PRPSAP2: variants seen among roughly 807,000 people sequenced by gnomAD.
PRPSAP2 encodes phosphoribosyl pyrophosphate synthase-associated protein 2.
A neutral mutation model predicts 40.6 loss-of-function variants in PRPSAP2; 24 were observed. The observed-to-expected ratio is 0.59, with a 90% CI of 0.43 to 0.83. The LOEUF is 0.83. Ranked by LOEUF, PRPSAP2 falls within the 40% of genes least tolerant of loss-of-function variation. PRPSAP2 has a pLI of 0.00. For synonymous variants in PRPSAP2, 149 were observed against 164.7 expected (o/e 0.90, Z 0.73); for missense variants, 292 against 465.6 (o/e 0.63, Z 3.43).
intron 4 of PRPSAP2, among the ~76,000 whole-genome samples, chr17:18,871,729 C>T (rs979070897): frequency 6.7e-6 from 1 of 148,736 alleles, no homozygotes; most frequent in Non-Finnish European, 1.5e-5. Flanking sequence ...GGCACAATCT[C>T]GGCTCACCGC....
chr17:18,927,773 G>A (rs1170129995), intron 10 of PRPSAP2, among the ~76,000 whole-genome samples: 3 of 151,510 alleles, frequency 2.0e-5, no homozygotes, highest in Non-Finnish European at 4.4e-5. Flanking sequence ...AAAGTAGCGT[G>A]TGTGTGTGTG....
intron 6 of PRPSAP2, 90 bp downstream of exon 6, chr17:18,877,960 C>CTTAA: frequency 7.3e-7 from 1 of 1,378,592 alleles, no homozygotes; most frequent in Non-Finnish European, 9.9e-7. Flanking sequence ...CTTGCCCTGT[C>CTTAA]ACCTAGGCTG....
At chr17:18,873,131 C>T (rs985838219) in intron 5 of PRPSAP2, among the ~76,000 whole-genome samples, 7 of 148,910 alleles carry the variant, frequency 4.7e-5, no homozygotes, top group African/African-American at 1.8e-4. Context: ...TATGAGCCAC[C>T]GTGTCCAGCC....
intron 7 of PRPSAP2, among the ~76,000 whole-genome samples, chr17:18,886,929 C>CTTTTTTTTTTTTTTTTTTTTTTTTTTT (rs71155365): frequency 1.3e-5 from 1 of 75,384 alleles, no homozygotes; most frequent in African/African-American, 5.4e-5. Context: ...TTCTTTTCTT[C>CTTTTTTTTTTTTTTTTTTTTTTTTTTT]TTTTTTTTTT....
intron 8 of PRPSAP2, among the ~76,000 whole-genome samples, chr17:18,904,015 C>T (rs1567724011): frequency 2.0e-5 from 3 of 152,102 alleles, no homozygotes; most frequent in Admixed American, 6.6e-5. Context: ...ATGTAGAAGT[C>T]AGACTGGGGC....
At chr17:18,875,910 G>C (rs1042375823) in intron 5 of PRPSAP2, among the ~76,000 whole-genome samples, 13 of 150,666 alleles carry the variant, frequency 8.6e-5, no homozygotes, top group African/African-American at 3.2e-4. Flanking sequence ...CAGGCGTGCA[G>C]ATCACCTGAG....
intron 5 of PRPSAP2, among the ~76,000 whole-genome samples, chr17:18,873,710 A>G (rs2038069177): frequency 6.6e-6 from 1 of 152,168 alleles, no homozygotes; most frequent in Non-Finnish European, 1.5e-5. Flanking sequence ...GTTTTATTAC[A>G]TAAATTAGCT....
At chr17:18,858,105 C>CCCGCCCCG (rs2151866027), upstream of PRPSAP2, 2 of 152,352 alleles carry the variant, frequency 1.3e-5, no homozygotes, top group African/African-American at 4.8e-5. Context: ...TAGTCCCGCC[C>CCCGCCCCG]TCGCCCCTCC....
intron 8 of PRPSAP2, among the ~76,000 whole-genome samples, chr17:18,899,012 C>G (rs1340977347): frequency 1.3e-5 from 2 of 152,140 alleles, no homozygotes; most frequent in Non-Finnish European, 2.9e-5. Context: ...TCAAGCGATT[C>G]TCCTGCCTCA....
At chr17:18,900,192 TTG>T (rs2040181707) in intron 8 of PRPSAP2, among the ~76,000 whole-genome samples, 1 of 152,104 alleles carries the variant, frequency 6.6e-6, no homozygotes, top group African/African-American at 2.4e-5. Context: ...GCTGCTAATT[TTG>T]TATTTTTAGT....
At position 18,914,110 on chromosome 17, in the gene PRPSAP2, G is replaced by A. The variant is rs1008129015; in HGVS notation, c.733+2859G>A. Among the ~76,000 whole-genome samples, 19 of 151,266 alleles carry A rather than the reference G, an allele frequency of 1.3e-4. No homozygotes were observed. The East Asian group carries it at 3.7e-3, about 30-fold the overall frequency. ...AATCACTTGAACCAGGGAGTTGGAG[G>A]TTGCAGTGAGCTGAGATCCAAGACT... On this transcript the variant is annotated intron_variant, in intron 9 of 11. Transcript: ENST00000268835.
chr17:18,905,380 A>G (rs894268800), intron 8 of PRPSAP2, among the ~76,000 whole-genome samples: 6 of 152,066 alleles, frequency 3.9e-5, no homozygotes, highest in African/African-American at 1.4e-4. Flanking sequence ...TATAATTGAA[A>G]TATTATTCTA....
chr17:18,865,804 T>G lies in PRPSAP2; in HGVS notation c.-30T>G. 2 of 1,444,810 alleles carry G rather than the reference T, an allele frequency of 1.4e-6. No individual in the cohort carries two copies. Among genetic ancestry groups the G allele is most frequent in the Non-Finnish European group, 1.8e-6 (2 of 1,081,192 alleles). The allele number at this position is 1,444,810 out of a possible 1,614,324, so 89.5% of individuals were successfully genotyped here. A position where few individuals can be genotyped will look rare whatever the true frequency, so the allele number is the denominator to read the frequency against. On this transcript the variant is annotated splice_region_variant and 5_prime_UTR_variant, in exon 3 of 12. Transcript: ENST00000268835. ...TAATAAGTATTATATCCTTCTAGGC[T>G]CTGAAAATTGGAAAACCAAGAAGGT...
intron 5 of PRPSAP2, among the ~76,000 whole-genome samples, chr17:18,873,836 C>G (rs529002385): frequency 1.3e-5 from 2 of 152,070 alleles, no homozygotes; most frequent in South Asian, 4.2e-4. Flanking sequence ...ATAGAAGATT[C>G]AATGCAGCAA....
intron 9 of PRPSAP2, among the ~76,000 whole-genome samples, chr17:18,923,240 C>CCTAAT (rs1435371821): frequency 6.6e-6 from 1 of 150,520 alleles, no homozygotes. Context: ...CAGGCGCCCA[C>CCTAAT]TAGCACACTT....
chr17:18,914,179 CAA>C (rs541753300), intron 9 of PRPSAP2, among the ~76,000 whole-genome samples: 2 of 101,458 alleles, frequency 2.0e-5, no homozygotes, highest in Admixed American at 1.1e-4. Flanking sequence ...GACACCATCT[CAA>C]AAAAAAAAAG....
chr17:18,915,646 C>A (rs7501465), intron 9 of PRPSAP2, among the ~76,000 whole-genome samples: 1 of 151,746 alleles, frequency 6.6e-6, no homozygotes, highest in Non-Finnish European at 1.5e-5. Flanking sequence ...AACGAGAGAG[C>A]CTGGGAAGCC....
chr17:18,882,697 A>C lies in PRPSAP2; in HGVS notation c.528+14A>C. On this transcript the variant is annotated intron_variant, in intron 7 of 11. Coordinates refer to ENST00000268835, the MANE Select transcript of PRPSAP2 (RefSeq NM_002767.4). ...ATTCAAGAAGAGGTGAGCTAGCTCA[A>C]ACTTTTTTATTTTAACATTCTGATT... 1 of 1,483,520 alleles carries C rather than the reference A, an allele frequency of 6.7e-7. No homozygotes were observed. The highest frequency in any genetic ancestry group is 9.4e-7 in the Non-Finnish European group (1 of 1,065,448). 91.9% of individuals were successfully genotyped at this position (1,483,520 alleles called of 1,614,324 possible). A position where few individuals can be genotyped will look rare whatever the true frequency, so the allele number is the denominator to read the frequency against.
chr17:18,879,597 G>A (rs548439869), intron 6 of PRPSAP2, among the ~76,000 whole-genome samples: 1 of 152,006 alleles, frequency 6.6e-6, no homozygotes, highest in African/African-American at 2.4e-5. Context: ...GGGATTACTG[G>A]CGCCCACCAC....
Sources: allele counts gnomAD v4.1 joint callset (sites outside exome capture counted in the v4.1 genomes callset), GRCh38; gene constraint gnomAD v4.1.1; transcripts MANE v1.5; gene names NCBI Gene and HGNC (gene_info 2026-07-23, HGNC 2026-07-21).